The following UHRF2 variants were observed in gnomAD, a reference collection of about 807,000 sequenced individuals.
UHRF2 encodes E3 ubiquitin-protein ligase UHRF2.
UHRF2 carries 23 observed loss-of-function variants against 96.8 expected under a neutral mutation model. That is an observed-to-expected ratio of 0.24 (90% confidence interval 0.17 to 0.34). The LOEUF (loss-of-function observed/expected upper bound fraction) is 0.34. Among genes scored for constraint, UHRF2 ranks in the 10% least tolerant of loss-of-function variants. The pLI is 1.00. For synonymous variants in UHRF2, 385 were observed against 332.6 expected (o/e 1.16, Z -1.72); for missense variants, 685 against 981.5 (o/e 0.70, Z 4.04).
chr9:6,495,999 A>G (rs1302475420), intron 10 of UHRF2: 7 of 147,780 alleles, frequency 4.7e-5, no homozygotes, highest in Admixed American at 4.1e-4. Context: ...CTTTTAGATT[A>G]AAAAAAAAAG....
At chr9:6,421,622 G>A (rs1819935447) in intron 2 of UHRF2, among the ~76,000 whole-genome samples, 1 of 152,052 alleles carries the variant, frequency 6.6e-6, no homozygotes. Context: ...TCACCATGTA[G>A]GCCAGGCTAG....
Position 6,424,893 on chromosome 9 carries a change from G to A in UHRF2, c.384+3751G>A, listed in dbSNP as rs182011189. 1.5e-3 allele frequency among the ~76,000 whole-genome samples: 231 copies of A among 150,922 alleles called. 1 individual carries two copies. Among genetic ancestry groups the A allele is most frequent in the African/African-American group, 5.4e-3 (223 of 41,144 alleles). ...TTCCTTATTTGTCTGGGTTTGTTTTGGGGAGGAAGACCGCAGAGGTATTTT... is the reference window on the plus strand; with the variant it reads ...TTCCTTATTTGTCTGGGTTTGTTTTAGGGAGGAAGACCGCAGAGGTATTTT... On this transcript the variant is annotated intron_variant, in intron 2 of 15. Transcript: ENST00000276893.
intron 10 of UHRF2, chr9:6,494,486 A>G (rs1239758004): frequency 6.6e-6 from 1 of 152,258 alleles, no homozygotes; most frequent in Non-Finnish European, 1.5e-5. Flanking sequence ...AGACATTACA[A>G]AAGAGCCACC....
chr9:6,445,629 C>T (rs540058408), intron 3 of UHRF2, among the ~76,000 whole-genome samples: 1 of 152,340 alleles, frequency 6.6e-6, no homozygotes, highest in African/African-American at 2.4e-5. Context: ...ACAACCACAG[C>T]TCACTGCAAC....
chr9:6,450,054 T>C (rs1821759544), intron 3 of UHRF2, among the ~76,000 whole-genome samples: 1 of 152,220 alleles, frequency 6.6e-6, no homozygotes, highest in African/African-American at 2.4e-5. Flanking sequence ...CTATAATGTG[T>C]AGAGGAGTCC....
In UHRF2 at chr9:6,445,983, T is replaced by TTG. The variant is rs1389410396; in HGVS notation, c.644+11811_644+11812insGT. ...AATACTCTTCCCCCCCCGCCACCCT[T>TTG]TTTTTTTTTTTTTTTTTCCTGTTTT... On this transcript the variant is annotated intron_variant, in intron 3 of 15. Coordinates refer to ENST00000276893, the MANE Select transcript of UHRF2 (RefSeq NM_152896.3). 1.3e-3 allele frequency among the ~76,000 whole-genome samples: 154 copies of TTG among 117,564 alleles called. 2 individuals are homozygous for TTG. Among genetic ancestry groups the TTG allele is most frequent in the African/African-American group, 3.1e-3 (86 of 27,866 alleles). The allele number at this position is 117,564 out of a possible 152,430, so 77.1% of individuals were successfully genotyped here.
chr9:6,497,152 T>C (rs1825018011), intron 10 of UHRF2, 46 bp from the exon 11 acceptor site: 9 of 1,581,746 alleles, frequency 5.7e-6, no homozygotes, highest in Non-Finnish European at 7.8e-6. Flanking sequence ...GATTGTGTAC[T>C]TGAAGAAAAA....
chr9:6,434,611 G>C (rs1293925636), intron 3 of UHRF2, among the ~76,000 whole-genome samples: 1 of 151,774 alleles, frequency 6.6e-6, no homozygotes, highest in Non-Finnish European at 1.5e-5. Flanking sequence ...ATTAATTCTT[G>C]TATTTTTAGT....
chr9:6,468,739 C>T (rs146564956), intron 4 of UHRF2: 3 of 453,684 alleles, frequency 6.6e-6, no homozygotes, highest in South Asian at 4.7e-5. Context: ...TCTTAGAAGG[C>T]ATACACTGGA....
At chr9:6,415,858 G>A (rs1268386395) in intron 1 of UHRF2, among the ~76,000 whole-genome samples, 1 of 152,142 alleles carries the variant, frequency 6.6e-6, no homozygotes, top group South Asian at 2.1e-4. Flanking sequence ...AATGAATGTT[G>A]ATAGATAGTC....
rs2130962559 is a variant in UHRF2 at position 6,498,006 on chromosome 9, A to G, written c.1768-12A>G. The G allele has an allele frequency of 1.2e-6, 2 of 1,611,168 alleles. No individual in the cohort carries two copies. The highest frequency in any genetic ancestry group is 1.7e-6 in the Non-Finnish European group (2 of 1,179,572). ...TTAAATCTCAAACTGGCACTGAAAT[A>G]TTGTGATTTAGGTGGTGAAATACTG... On this transcript the variant is annotated splice_polypyrimidine_tract_variant and intron_variant, in intron 11 of 15. Coordinates refer to ENST00000276893, the MANE Select transcript of UHRF2 (RefSeq NM_152896.3).
At chr9:6,479,919 G>A (rs1047091308) in intron 6 of UHRF2, among the ~76,000 whole-genome samples, 11 of 151,992 alleles carry the variant, frequency 7.2e-5, no homozygotes, top group Non-Finnish European at 1.6e-4. Flanking sequence ...TAGACTCTTT[G>A]CTTCCATGTA....
At chr9:6,417,854 C>A (rs1233002129) in intron 1 of UHRF2, among the ~76,000 whole-genome samples, 1 of 152,166 alleles carries the variant, frequency 6.6e-6, no homozygotes, top group Non-Finnish European at 1.5e-5. Flanking sequence ...TCCTGACCGT[C>A]ATTTAGTAGA....
intron 4 of UHRF2, among the ~76,000 whole-genome samples, chr9:6,462,372 GA>G (rs1822596996): frequency 6.6e-6 from 1 of 151,448 alleles, no homozygotes; most frequent in African/African-American, 2.4e-5. Context: ...TAACATTTTA[GA>G]GAACAGATTT....
chr9:6,434,201 A>G (rs1181788214), intron 3 of UHRF2, 28 bp downstream of exon 3: 1 of 1,574,486 alleles, frequency 6.4e-7, no homozygotes, highest in East Asian at 2.3e-5. Flanking sequence ...TGAGGACTTT[A>G]TTCATATTTT....
At chr9:6,449,171 A>G (rs1245211967) in intron 3 of UHRF2, among the ~76,000 whole-genome samples, 1 of 152,202 alleles carries the variant, frequency 6.6e-6, no homozygotes, top group African/African-American at 2.4e-5. Context: ...GACCAGCTGC[A>G]AGTAGTGCAG....
chr9:6,467,599 T>TTTTTG, intron 4 of UHRF2, among the ~76,000 whole-genome samples: 1 of 150,120 alleles, frequency 6.7e-6, no homozygotes, highest in African/African-American at 2.5e-5. Context: ...AGAATAGTTT[T>TTTTTG]TTTTTTTTTT....
chr9:6,437,296 G>A (rs908136841), intron 3 of UHRF2, among the ~76,000 whole-genome samples: 40 of 152,126 alleles, frequency 2.6e-4, no homozygotes, highest in African/African-American at 9.4e-4. Flanking sequence ...GCAGTGGCAC[G>A]ATCTCGGCTC....
chr9:6,485,804 A>G (rs576016121), intron 8 of UHRF2, among the ~76,000 whole-genome samples: 2 of 87,452 alleles, frequency 2.3e-5, no homozygotes, highest in Non-Finnish European at 4.3e-5. Context: ...GTCTCTACCC[A>G]AAAAAAAAAA....
Sources: allele counts gnomAD v4.1 joint callset (sites outside exome capture counted in the v4.1 genomes callset), GRCh38; gene constraint gnomAD v4.1.1; transcripts MANE v1.5; gene names NCBI Gene and HGNC (gene_info 2026-07-23, HGNC 2026-07-21).